Variants in TTK observed in about 807,000 individuals in gnomAD.
TTK encodes dual specificity protein kinase TTK.
TTK carries 59 observed loss-of-function variants against 117.3 expected under a neutral mutation model. The observed-to-expected ratio is 0.50, with a 90% CI of 0.41 to 0.62. TTK has a LOEUF of 0.62. Ranked by LOEUF, TTK falls within the 20% of genes least tolerant of loss-of-function variation. The pLI is 0.00. For synonymous variants in TTK, 302 were observed against 325.0 expected (o/e 0.93, Z 0.76); for missense variants, 921 against 989.4 (o/e 0.93, Z 0.93).
intron 11 of TTK, among the ~76,000 whole-genome samples, chr6:80,025,607 T>G (rs929857605): frequency 6.6e-6 from 1 of 152,202 alleles, no homozygotes; most frequent in African/African-American, 2.4e-5. Context: ...TGTAAAGGGT[T>G]AGCAGGCTTT....
chr6:80,010,813 G>A lies in TTK; in HGVS notation c.470-1G>A. On this transcript the variant is annotated splice_acceptor_variant, in intron 4 of 21. Coordinates refer to ENST00000369798, the MANE Select transcript of TTK (RefSeq NM_003318.5). LOFTEE classifies it high-confidence loss of function. ...ATGACAATTATCTTTTGCTTTGTTA[G>A]GTAATGTCAAAAAAAGTAAACAACT... 2.5e-6 allele frequency: 4 copies of A among 1,603,956 alleles called. No homozygotes were observed. In the African/African-American group the frequency reaches 4.0e-5, roughly 16 times the overall value.
intron 10 of TTK, among the ~76,000 whole-genome samples, chr6:80,021,416 A>G (rs1231675027): frequency 6.6e-6 from 1 of 152,184 alleles, no homozygotes; most frequent in East Asian, 1.9e-4. Context: ...CTCAAAACAC[A>G]CAGTTCCTCA....
chr6:80,004,665 A>G lies in TTK; in HGVS notation c.-51A>G, dbSNP rs1242579348. 1 of 152,268 alleles carries G rather than the reference A, an allele frequency of 6.6e-6. No individual in the cohort carries two copies. The highest frequency in any genetic ancestry group is 1.9e-4 in the East Asian group (1 of 5,178). The allele number at this position is 152,268 out of a possible 1,614,324, so 9.4% of individuals were successfully genotyped here. A position where few individuals can be genotyped will look rare whatever the true frequency, so the allele number is the denominator to read the frequency against. ...GGGGAAATTCAAACGTGTTTGCGGAAAGGAGTTTGGGTTCCATCTTTTCAT... is the reference window on the plus strand; with the variant it reads ...GGGGAAATTCAAACGTGTTTGCGGAGAGGAGTTTGGGTTCCATCTTTTCAT... On this transcript the variant is annotated 5_prime_UTR_variant, in exon 1 of 22. Coordinates refer to ENST00000369798, the MANE Select transcript of TTK (RefSeq NM_003318.5).
intron 3 of TTK, 138 bp downstream of exon 3, chr6:80,008,169 AAG>A: frequency 2.7e-6 from 3 of 1,118,930 alleles, no homozygotes; most frequent in Non-Finnish European, 3.7e-6. Flanking sequence ...TATAGTTAAC[AAG>A]AGACTAATGT....
Position 80,042,378 on chromosome 6 carries a change from A to C in TTK, c.*176A>C. On this transcript the variant is annotated 3_prime_UTR_variant, in exon 22 of 22. Coordinates refer to ENST00000369798, the MANE Select transcript of TTK (RefSeq NM_003318.5). ...TGTAAAAATAGCAACCACTTATGGC[A>C]CTGTATATATTGTAGACTTGTTTTC... 1 of 445,742 alleles carries C rather than the reference A, an allele frequency of 2.2e-6. No individual in the cohort carries two copies. Among genetic ancestry groups the C allele is most frequent in the Non-Finnish European group, 4.1e-6 (1 of 241,638 alleles). 27.6% of individuals were successfully genotyped at this position (445,742 alleles called of 1,614,324 possible). A position where few individuals can be genotyped will look rare whatever the true frequency, so the allele number is the denominator to read the frequency against.
At chr6:80,023,229 TTATATC>T (rs1475969834) in intron 11 of TTK, among the ~76,000 whole-genome samples, 1 of 152,206 alleles carries the variant, frequency 6.6e-6, no homozygotes, top group Non-Finnish European at 1.5e-5. Context: ...TTTATGTTGA[TTATATC>T]TATCTCTATT....
chr6:80,035,533 C>A, intron 16 of TTK, 116 bp downstream of exon 16: 1 of 1,040,030 alleles, frequency 9.6e-7, no homozygotes, highest in Non-Finnish European at 1.3e-6. Flanking sequence ...ACGAGATCAA[C>A]TAAATAATTA....
chr6:80,034,236 C>G (rs1767832992), intron 14 of TTK, among the ~76,000 whole-genome samples: 2 of 152,100 alleles, frequency 1.3e-5, no homozygotes, highest in Admixed American at 6.6e-5. Flanking sequence ...TTGAGAGTAT[C>G]TAGAACAGTC....
At chr6:80,027,515 C>T (rs1767636805) in intron 12 of TTK, among the ~76,000 whole-genome samples, 2 of 152,078 alleles carry the variant, frequency 1.3e-5, no homozygotes, top group South Asian at 4.2e-4. Context: ...AATTGGCTTT[C>T]TGATATTTCT....
At chr6:80,026,227 G>C (rs905310968) in intron 11 of TTK, 151 bp from the exon 12 acceptor site, 3 of 787,686 alleles carry the variant, frequency 3.8e-6, no homozygotes, top group Non-Finnish European at 5.5e-6. Flanking sequence ...ATTATTGAAA[G>C]TCTAAAATGT....
chr6:80,015,188 A>G (rs1032902240), intron 10 of TTK, among the ~76,000 whole-genome samples: 1 of 86,626 alleles, frequency 1.2e-5, no homozygotes, highest in South Asian at 3.9e-4. Flanking sequence ...TAGGATTTAA[A>G]TGGGAAATAA....
In TTK at chr6:80,007,798, C is replaced by T; in HGVS notation, c.140-11C>T. 4 of 1,589,508 alleles carry T rather than the reference C, an allele frequency of 2.5e-6. No homozygotes were observed. Among genetic ancestry groups the T allele is most frequent in the East Asian group, 2.3e-5 (1 of 44,258 alleles). On this transcript the variant is annotated splice_polypyrimidine_tract_variant and intron_variant, in intron 2 of 21. Transcript: ENST00000369798. ...TCTTTTCTTGTGATATATTTTGTTC[C>T]CCTTATTTAGATAACTCGGGAACTG...
intron 10 of TTK, among the ~76,000 whole-genome samples, chr6:80,016,700 C>T (rs909097471): frequency 6.6e-6 from 1 of 152,124 alleles, no homozygotes; most frequent in Non-Finnish European, 1.5e-5. Flanking sequence ...AGCTGAGACA[C>T]TCTCCTGAAA....
chr6:80,004,865 G>A (rs1265309592), intron 1 of TTK, 152 bp downstream of exon 1: 1 of 152,170 alleles, frequency 6.6e-6, no homozygotes, highest in Non-Finnish European at 1.5e-5. Context: ...TGGAGGGGGA[G>A]GGGATGTCTC....
rs781627834 is a variant in TTK, at chr6:80,029,447, AAC to A, written c.1521+1438_1521+1439del. ...ACAATATAATAAATTACAAAGGAAAAACAAAAATGATCCAGTTTGTTCATGCA... is the reference window on the plus strand; with the variant it reads ...ACAATATAATAAATTACAAAGGAAAAAAAAATGATCCAGTTTGTTCATGCA... On this transcript the variant is annotated intron_variant, in intron 13 of 21. Coordinates refer to ENST00000369798, the MANE Select transcript of TTK (RefSeq NM_003318.5). Among the ~76,000 whole-genome samples, 196 of 152,344 alleles carry A rather than the reference AAC, an allele frequency of 1.3e-3. 1 individual carries two copies. The highest frequency in any genetic ancestry group is 4.7e-3 in the African/African-American group (194 of 41,582).
chr6:80,015,751 T>A (rs1012767585), intron 10 of TTK, among the ~76,000 whole-genome samples: 17 of 152,206 alleles, frequency 1.1e-4, no homozygotes, highest in African/African-American at 4.1e-4. Flanking sequence ...AAATGAATGC[T>A]TGTTGTCTAC....
chr6:80,035,303 T>A lies in TTK; in HGVS notation c.1810T>A (p.Cys604Ser). 1 of 1,610,736 alleles carries A rather than the reference T, an allele frequency of 6.2e-7. No homozygotes were observed. The highest frequency in any genetic ancestry group is 1.7e-5 in the Admixed American group (1 of 59,440). The change falls in exon 16 of 22, where the codon TGT becomes AGT. Residue 604 changes from cysteine to serine, a missense_variant. Cys to Ser is a moderately radical substitution (Grantham distance 112). Transcript: ENST00000369798. ...CCAGTACATCTACATGGTAATGGAG[T>A]GTGGAAATATTGATCTTAATAGTTG... ...TDQYIYMVME[C>S]GNIDLNSWLK...
At chr6:80,013,666 G>A (rs62405967) in intron 9 of TTK, 24,252 of 191,504 alleles carry the variant, frequency 0.13, 1,941 homozygotes, top group South Asian at 0.17. Context: ...ATACGTGACT[G>A]GGGGAACTGT....
intron 11 of TTK, among the ~76,000 whole-genome samples, chr6:80,022,733 G>C (rs1190293020): frequency 6.6e-6 from 1 of 152,072 alleles, no homozygotes; most frequent in East Asian, 1.9e-4. Context: ...CTAGTTCTTA[G>C]CCTGATTGTG....
Sources: gnomAD v4.1 joint callset for allele counts (sites outside exome capture counted in the v4.1 genomes callset) on GRCh38, gnomAD v4.1.1 for gene constraint, MANE v1.5 for transcripts, NCBI Gene and HGNC (gene_info 2026-07-23, HGNC 2026-07-21) for gene names.